TENM2: variants seen among roughly 807,000 people sequenced by gnomAD.
TENM2 encodes teneurin transmembrane protein 2.
TENM2 carries 52 observed loss-of-function variants against 245.2 expected under a neutral mutation model. The observed-to-expected ratio is 0.21, with a 90% CI of 0.17 to 0.27. TENM2 has a LOEUF of 0.27. TENM2 is among the 10% of genes least tolerant of loss of function. TENM2 has a pLI of 1.00. For missense variants in TENM2, 3,046 were observed against 3,666.8 expected (o/e 0.83, Z 4.37); for synonymous variants, 1,363 against 1,438.9 (o/e 0.95, Z 1.19).
At chr5:168,005,434 T>TATAAATCTTCA (rs1784749498) in intron 5 of TENM2, among the ~76,000 whole-genome samples, 1 of 152,238 alleles carries the variant, frequency 6.6e-6, no homozygotes, top group African/African-American at 2.4e-5. Context: ...CCACGCCCTT[T>TATAAATCTTCA]GTAATTCTTT....
At position 167,944,084 on chromosome 5, in the gene TENM2, TA is replaced by T. The variant is rs1480814036; in HGVS notation, c.713-8503del. Among the ~76,000 whole-genome samples the T allele has an allele frequency of 4.6e-5, 7 of 152,316 alleles. No homozygotes were observed. In the East Asian group the frequency reaches 5.8e-4, roughly 13 times the overall value. On this transcript the variant is annotated intron_variant, in intron 3 of 28. Coordinates refer to ENST00000518659, the Ensembl canonical transcript of TENM2. ...GATTTAGGAAGGCAAAGAATGAGTA[TA>T]GGGGCAATGGTCAAATGATGTGGCA... is the stretch of plus-strand genomic sequence containing the variant.
chr5:167,498,704 T>C (rs1026218453), intron 2 of TENM2, among the ~76,000 whole-genome samples: 1 of 152,048 alleles, frequency 6.6e-6, no homozygotes, highest in Non-Finnish European at 1.5e-5. Context: ...TCCTTTTGGC[T>C]CTCTCAAGGA....
chr5:167,128,023 A>G, the TENM2 span, among the ~76,000 whole-genome samples: 1 of 152,156 alleles, frequency 6.6e-6, no homozygotes, highest in Non-Finnish European at 1.5e-5. Flanking sequence ...AAGCAGTAAC[A>G]AAGAAGGTTC....
chr5:167,962,346 A>G (rs1317423927), intron 4 of TENM2, among the ~76,000 whole-genome samples: 1 of 152,234 alleles, frequency 6.6e-6, no homozygotes, highest in Non-Finnish European at 1.5e-5. Context: ...CATATGTTCA[A>G]GAGCCAAGGA....
At chr5:167,504,381 C>A (rs1769406904) in intron 2 of TENM2, among the ~76,000 whole-genome samples, 1 of 152,130 alleles carries the variant, frequency 6.6e-6, no homozygotes, top group East Asian at 1.9e-4. Flanking sequence ...TGAGGGTTTT[C>A]TTTTACTTTA....
intron 3 of TENM2, among the ~76,000 whole-genome samples, chr5:167,909,252 C>A (rs1454708178): frequency 1.3e-5 from 2 of 152,042 alleles, no homozygotes; most frequent in African/African-American, 4.8e-5. Context: ...TACAGTTGGA[C>A]TTTTGTAAGG....
chr5:167,996,130 C>G (rs1476605524), intron 5 of TENM2, among the ~76,000 whole-genome samples: 3 of 152,148 alleles, frequency 2.0e-5, no homozygotes, highest in African/African-American at 7.2e-5. Context: ...AGAAGACTTT[C>G]CAGAAATGAG....
chr5:167,773,230 C>T (rs1027081587), intron 2 of TENM2, among the ~76,000 whole-genome samples: 1 of 152,152 alleles, frequency 6.6e-6, no homozygotes, highest in Non-Finnish European at 1.5e-5. Context: ...AATTGATGTT[C>T]TGCCTACTTG....
the TENM2 span, among the ~76,000 whole-genome samples, chr5:167,009,011 A>C: frequency 6.6e-6 from 1 of 152,130 alleles, no homozygotes; most frequent in Non-Finnish European, 1.5e-5. Context: ...TGGCTGTCCA[A>C]GTGTGTGGTT....
chr5:167,366,462 A>AT (rs1760061444), intron 1 of TENM2, among the ~76,000 whole-genome samples: 1 of 152,054 alleles, frequency 6.6e-6, no homozygotes, highest in Non-Finnish European at 1.5e-5. Context: ...CAATCTAAGC[A>AT]TTTTCCGCTG....
intron 2 of TENM2, among the ~76,000 whole-genome samples, chr5:167,744,820 C>CAAACAAAACA (rs144300762): frequency 0.012 from 1,742 of 145,808 alleles, 107 homozygotes; most frequent in Admixed American, 0.097. Context: ...AACAAACAAA[C>CAAACAAAACA]AAACAAAACA....
At chr5:166,979,561 G>C in the TENM2 span, among the ~76,000 whole-genome samples, 1 of 152,092 alleles carries the variant, frequency 6.6e-6, no homozygotes. Flanking sequence ...AATGCTTAAG[G>C]CTTTTTTCCC....
intron 2 of TENM2, among the ~76,000 whole-genome samples, chr5:167,782,518 C>T (rs1014474296): frequency 5.3e-5 from 8 of 151,964 alleles, no homozygotes; most frequent in African/African-American, 1.9e-4. Flanking sequence ...GATGCTCTCA[C>T]CATCCCTCAG....
At chr5:167,965,632 A>T (rs565491993) in intron 4 of TENM2, 2 of 152,314 alleles carry the variant, frequency 1.3e-5, no homozygotes, top group South Asian at 4.1e-4. Flanking sequence ...TTTATTTCAC[A>T]CAATCATATA....
At chr5:167,517,861 G>A (rs1416537035) in intron 2 of TENM2, among the ~76,000 whole-genome samples, 1 of 152,010 alleles carries the variant, frequency 6.6e-6, no homozygotes, top group African/African-American at 2.4e-5. Flanking sequence ...GGTTGATGGA[G>A]TCGAGAGAGA....
the TENM2 span, among the ~76,000 whole-genome samples, chr5:167,023,923 T>C: frequency 6.6e-6 from 1 of 152,186 alleles, no homozygotes; most frequent in Non-Finnish European, 1.5e-5. Context: ...AAGCAAATTA[T>C]TTAAGAAGGC....
chr5:167,226,795 AT>A, the TENM2 span, among the ~76,000 whole-genome samples: 1,816 of 151,940 alleles, frequency 0.012, 22 homozygotes, highest in Middle Eastern at 0.034. Flanking sequence ...GTTCCCCACT[AT>A]TTTTGCAGTG....
intron 2 of TENM2, among the ~76,000 whole-genome samples, chr5:167,703,902 T>A (rs1183344856): frequency 9.3e-6 from 1 of 107,212 alleles, no homozygotes; most frequent in African/African-American, 6.3e-5. Context: ...CAAAAGTTTG[T>A]GTTTGGTTTT....
intron 2 of TENM2, among the ~76,000 whole-genome samples, chr5:167,432,708 T>G (rs1189289683): frequency 6.6e-6 from 1 of 152,144 alleles, no homozygotes; most frequent in African/African-American, 2.4e-5. Context: ...AAAACATTTT[T>G]TCCTTTCTAT....
Sources: gnomAD v4.1 joint callset for allele counts (sites outside exome capture counted in the v4.1 genomes callset) on GRCh38, gnomAD v4.1.1 for gene constraint, MANE v1.5 for transcripts, NCBI Gene and HGNC (gene_info 2026-07-23, HGNC 2026-07-21) for gene names.